PDGFC: variants seen among roughly 807,000 people sequenced by gnomAD.
The protein encoded by PDGFC is platelet derived growth factor C, also known as platelet-derived growth factor C.
A neutral mutation model predicts 35.5 loss-of-function variants in PDGFC; 12 were observed. That is an observed-to-expected ratio of 0.34 (90% CI 0.22 to 0.55). The LOEUF (loss-of-function observed/expected upper bound fraction) is 0.55. Ranked by LOEUF, PDGFC falls within the 20% of genes least tolerant of loss-of-function variation. The pLI, the probability that PDGFC is intolerant of heterozygous loss-of-function variation, is 0.91. For missense variants in PDGFC, 322 were observed against 412.4 expected, an observed-to-expected ratio of 0.78 and a Z score of 1.90; for synonymous variants, 159 against 148.8, an observed-to-expected ratio of 1.07 and a Z score of -0.50.
intron 2 of PDGFC, among the ~76,000 whole-genome samples, chr4:156,824,325 T>TATATATATATATATATACACATATACAC (rs1313538089): frequency 3.6e-5 from 4 of 109,610 alleles, no homozygotes; most frequent in African/African-American, 1.9e-4. Context: ...TATATATATA[T>TATATATATATATATATACACATATACAC]ATACACACAC....
intron 1 of PDGFC, among the ~76,000 whole-genome samples, chr4:156,862,497 AATATATCTC>A (rs1389567284): frequency 3.3e-5 from 5 of 152,120 alleles, no homozygotes; most frequent in African/African-American, 1.2e-4. Context: ...AATTCAATGA[AATATATCTC>A]TTATCAAAGG....
chr4:156,938,816 C>A (rs1041465926), intron 1 of PDGFC, among the ~76,000 whole-genome samples: 8 of 151,100 alleles, frequency 5.3e-5, no homozygotes, highest in Non-Finnish European at 8.9e-5. Context: ...TATAATAGCA[C>A]AACAACATTA....
intron 1 of PDGFC, among the ~76,000 whole-genome samples, chr4:156,869,761 G>A (rs547499184): frequency 8.5e-5 from 13 of 152,068 alleles, no homozygotes; most frequent in Non-Finnish European, 1.2e-4. Flanking sequence ...ATGCCTATTC[G>A]TGTCTTTTTA....
intron 2 of PDGFC, among the ~76,000 whole-genome samples, chr4:156,826,028 C>A (rs1162415732): frequency 6.6e-6 from 1 of 151,354 alleles, no homozygotes; most frequent in Non-Finnish European, 1.5e-5. Context: ...ACTACCAGGC[C>A]AGGTTAATTT....
chr4:156,766,757 A>G (rs953256729), intron 5 of PDGFC, among the ~76,000 whole-genome samples: 1 of 152,084 alleles, frequency 6.6e-6, no homozygotes, highest in Non-Finnish European at 1.5e-5. Flanking sequence ...TACACTTCCT[A>G]TGACATGATT....
At chr4:156,941,709 A>T (rs1173202991) in intron 1 of PDGFC, among the ~76,000 whole-genome samples, 2 of 152,134 alleles carry the variant, frequency 1.3e-5, no homozygotes, top group African/African-American at 2.4e-5. Flanking sequence ...TTTTTGGTAT[A>T]TGAATACGTG....
At chr4:156,795,429 G>C (rs1377031242) in intron 3 of PDGFC, among the ~76,000 whole-genome samples, 1 of 152,044 alleles carries the variant, frequency 6.6e-6, no homozygotes, top group Non-Finnish European at 1.5e-5. Flanking sequence ...TTGAGGCATT[G>C]TGGCTATAAT....
chr4:156,918,941 T>C (rs1026287966), intron 1 of PDGFC, among the ~76,000 whole-genome samples: 2 of 152,232 alleles, frequency 1.3e-5, no homozygotes, highest in Admixed American at 6.5e-5. Flanking sequence ...TTAATTATAT[T>C]GTACTATAAT....
In PDGFC at chr4:156,971,156, C is replaced by A; in HGVS notation, c.-253G>T. 2.7e-6 allele frequency: 1 copy of A among 371,290 alleles called. No homozygotes were observed. Among genetic ancestry groups the A allele is most frequent in the Non-Finnish European group, 4.8e-6 (1 of 210,484 alleles). 23.0% of individuals were successfully genotyped at this position (371,290 alleles called of 1,614,324 possible). ...CTGAACCAGTTTCCCAAGGTTTAAACAAATCCTGAGCTGTGGCGAAGTGGT... is the reference window on the plus strand; with the variant it reads ...CTGAACCAGTTTCCCAAGGTTTAAAAAAATCCTGAGCTGTGGCGAAGTGGT... On this transcript the variant is annotated 5_prime_UTR_variant, in exon 1 of 6. Coordinates refer to ENST00000502773, the MANE Select transcript of PDGFC (RefSeq NM_016205.3).
intron 1 of PDGFC, among the ~76,000 whole-genome samples, chr4:156,914,011 G>T (rs573641339): frequency 6.6e-6 from 1 of 151,882 alleles, no homozygotes; most frequent in African/African-American, 2.4e-5. Context: ...AATTATGGTA[G>T]GTTATCCTGT....
At chr4:156,774,898 G>A (rs573351232) in intron 3 of PDGFC, among the ~76,000 whole-genome samples, 3 of 151,914 alleles carry the variant, frequency 2.0e-5, no homozygotes, top group Non-Finnish European at 4.4e-5. Context: ...ACAAAGATAC[G>A]CAAAGATACA....
At chr4:156,961,065 T>C (rs1732331756) in intron 1 of PDGFC, among the ~76,000 whole-genome samples, 1 of 152,144 alleles carries the variant, frequency 6.6e-6, no homozygotes, top group Admixed American at 6.6e-5. Flanking sequence ...TCACATCTTA[T>C]ATTTTAAGCA....
At chr4:156,833,090 G>A (rs1231248137) in intron 2 of PDGFC, among the ~76,000 whole-genome samples, 1 of 152,166 alleles carries the variant, frequency 6.6e-6, no homozygotes, top group Admixed American at 6.5e-5. Flanking sequence ...ATCAACTTTT[G>A]AAGTTTCTTG....
chr4:156,810,515 C>T (rs952473115), intron 3 of PDGFC, among the ~76,000 whole-genome samples: 1 of 151,888 alleles, frequency 6.6e-6, no homozygotes, highest in African/African-American at 2.4e-5. Context: ...TTTAGCTATA[C>T]CCTTAACCAA....
intron 1 of PDGFC, among the ~76,000 whole-genome samples, chr4:156,922,860 C>A (rs532036072): frequency 6.6e-6 from 1 of 152,204 alleles, no homozygotes; most frequent in East Asian, 1.9e-4. Flanking sequence ...AAGGATACAT[C>A]GTAGTTACTC....
rs574433232 is a variant in PDGFC at position 156,791,383 on chromosome 4, C to T, written c.496-18490G>A. Among the ~76,000 whole-genome samples the T allele has an allele frequency of 4.9e-4, 74 of 151,982 alleles. 2 individuals are homozygous for T. The South Asian group carries it at 0.013, about 27-fold the overall frequency. ...CAGCTTATCGTGTATTTATTACTAA[C>T]GTGGAAACTCAGAAATGATTATGTT... On this transcript the variant is annotated intron_variant, in intron 3 of 5. Coordinates refer to ENST00000502773, the MANE Select transcript of PDGFC (RefSeq NM_016205.3).
At chr4:156,960,917 A>G (rs1245288524) in intron 1 of PDGFC, among the ~76,000 whole-genome samples, 2 of 152,080 alleles carry the variant, frequency 1.3e-5, no homozygotes, top group African/African-American at 4.8e-5. Context: ...GTTCTTTACA[A>G]TTTGCACCCT....
intron 1 of PDGFC, among the ~76,000 whole-genome samples, chr4:156,895,104 A>G (rs955690074): frequency 6.6e-6 from 1 of 152,138 alleles, no homozygotes; most frequent in Non-Finnish European, 1.5e-5. Flanking sequence ...TGCATCCTAA[A>G]GGGGAGGGCC....
intron 1 of PDGFC, among the ~76,000 whole-genome samples, chr4:156,950,722 G>GA (rs1026907809): frequency 3.2e-4 from 48 of 150,372 alleles, no homozygotes; most frequent in Admixed American, 4.0e-4. Flanking sequence ...TGTTAAATCA[G>GA]AAAAAAAATC....
Sources: gnomAD v4.1 joint callset for allele counts (sites outside exome capture counted in the v4.1 genomes callset) on GRCh38, gnomAD v4.1.1 for gene constraint, MANE v1.5 for transcripts, NCBI Gene and HGNC (gene_info 2026-07-23, HGNC 2026-07-21) for gene names.